SOX5: variants seen among roughly 807,000 people sequenced by gnomAD.
The protein encoded by SOX5 is SRY-box transcription factor 5, also known as transcription factor SOX-5.
A neutral mutation model predicts 92.0 loss-of-function variants in SOX5; 9 were observed. The observed-to-expected ratio is 0.10, with a 90% CI of 0.06 to 0.17. SOX5 has a LOEUF of 0.17. SOX5 is among the 10% of genes least tolerant of loss of function. SOX5 has a pLI of 1.00. For missense variants in SOX5, 642 were observed against 944.5 expected (o/e 0.68, Z 4.20); for synonymous variants, 344 against 336.3 (o/e 1.02, Z -0.25).
In SOX5 at chr12:23,546,406, T is replaced by C; in HGVS notation, c.1507A>G (p.Ser503Gly). The C allele has an allele frequency of 6.2e-7, 1 of 1,601,970 alleles. No homozygotes were observed. The highest frequency in any genetic ancestry group is 8.5e-7 in the Non-Finnish European group (1 of 1,170,178). ...TTAACTGCCAGTTGCTGAGTCAGAC[T>C]CTCCAGTGTTGTTTTTTCCTTTAAA... The part of the protein sequence containing the change: ...RTEKEKTTLE[S>G]LTQQLAVKQN... The change falls in exon 12 of 15, where the codon AGT becomes GGT. Residue 503 changes from serine to glycine, a missense_variant. By Grantham distance (56) the Ser-to-Gly change is moderately conservative (BLOSUM62 0). Around this residue, in one of 8 missense-constraint regions of SOX5, gnomAD observed 324 missense variants for 461.6 expected, o/e 0.70. Transcript: ENST00000451604.
chr12:24,060,109 T>C (rs1476346873), intron 4 of SOX5, among the ~76,000 whole-genome samples: 2 of 152,242 alleles, frequency 1.3e-5, no homozygotes, highest in East Asian at 3.9e-4. Context: ...ATTTGTATCA[T>C]ACTTTTATAG....
At chr12:24,108,041 G>A (rs1946885012) in intron 4 of SOX5, among the ~76,000 whole-genome samples, 1 of 152,164 alleles carries the variant, frequency 6.6e-6, no homozygotes, top group Non-Finnish European at 1.5e-5. Context: ...AAATATTAAA[G>A]AGAACTTGCT....
intron 3 of SOX5, among the ~76,000 whole-genome samples, chr12:24,258,210 T>C (rs536324031): frequency 4.9e-4 from 75 of 152,228 alleles, no homozygotes; most frequent in African/African-American, 1.7e-3. Context: ...TTCTGAGAAC[T>C]AAGCCATATT....
intron 4 of SOX5, among the ~76,000 whole-genome samples, chr12:24,165,903 G>T (rs760933916): frequency 6.6e-6 from 1 of 152,076 alleles, no homozygotes; most frequent in Admixed American, 6.6e-5. Context: ...ATGGAAAATA[G>T]ATATATATAT....
At chr12:23,924,651 C>G (rs1401052847) in intron 1 of SOX5, among the ~76,000 whole-genome samples, 1 of 151,924 alleles carries the variant, frequency 6.6e-6, no homozygotes, top group Non-Finnish European at 1.5e-5. Flanking sequence ...AGGATACTTA[C>G]TAAAATGTGA....
At chr12:24,233,157 A>T (rs559960746) in intron 3 of SOX5, among the ~76,000 whole-genome samples, 43 of 152,344 alleles carry the variant, frequency 2.8e-4, no homozygotes, top group African/African-American at 9.9e-4. Context: ...GAAAACCGAT[A>T]GAAAATACAA....
intron 1 of SOX5, among the ~76,000 whole-genome samples, chr12:23,934,354 T>C (rs1219572992): frequency 6.6e-6 from 1 of 150,784 alleles, no homozygotes; most frequent in Admixed American, 6.7e-5. Context: ...TACATACATA[T>C]AAAATATTCA....
intron 2 of SOX5, among the ~76,000 whole-genome samples, chr12:24,354,845 T>C (rs752294855): frequency 5.3e-5 from 8 of 152,128 alleles, no homozygotes; most frequent in Non-Finnish European, 8.8e-5. Context: ...AATGATTAAA[T>C]TTGTGCGACT....
intron 4 of SOX5, among the ~76,000 whole-genome samples, chr12:24,145,542 G>A (rs1342650835): frequency 6.6e-6 from 1 of 152,156 alleles, no homozygotes; most frequent in Non-Finnish European, 1.5e-5. Flanking sequence ...TATTGCCCGG[G>A]CTGAAGTGCA....
At chr12:24,308,027 A>G (rs1389980253) in intron 2 of SOX5, among the ~76,000 whole-genome samples, 1 of 151,498 alleles carries the variant, frequency 6.6e-6, no homozygotes, top group Non-Finnish European at 1.5e-5. Context: ...TCCCAGTAGA[A>G]AAAAAAAAAC....
intron 8 of SOX5, among the ~76,000 whole-genome samples, chr12:23,607,622 C>T (rs1323274557): frequency 6.6e-6 from 1 of 150,684 alleles, no homozygotes; most frequent in Non-Finnish European, 1.5e-5. Context: ...GTTCTTAAAG[C>T]AAAATCAAGC....
At chr12:23,779,419 A>G (rs2095209524) in intron 3 of SOX5, among the ~76,000 whole-genome samples, 1 of 150,336 alleles carries the variant, frequency 6.7e-6, no homozygotes, top group African/African-American at 2.5e-5. Flanking sequence ...GCACATCCAA[A>G]TGACAAAATA....
At chr12:24,192,747 G>A (rs769227543) in intron 4 of SOX5, among the ~76,000 whole-genome samples, 14 of 152,112 alleles carry the variant, frequency 9.2e-5, no homozygotes, top group Non-Finnish European at 1.0e-4. Context: ...CATTCTAAAT[G>A]AACTCACACT....
At chr12:24,300,587 A>T (rs1194601243) in intron 2 of SOX5, among the ~76,000 whole-genome samples, 1 of 152,228 alleles carries the variant, frequency 6.6e-6, no homozygotes, top group Non-Finnish European at 1.5e-5. Context: ...GTGAACCAAG[A>T]GACTTTTTAT....
chr12:24,483,269 A>C lies in SOX5; in HGVS notation c.-251+79060T>G, dbSNP rs185847521. Among the ~76,000 whole-genome samples the C allele has an allele frequency of 4.6e-5, 7 of 152,308 alleles. No individual in the cohort carries two copies. The East Asian group carries it at 1.3e-3, about 29-fold the overall frequency. ...CCAAAACAATACAAAAGAGAATAAT[A>C]ATATGTAGAATTTTTCTGGACAGTG... On this transcript the variant is annotated intron_variant, in intron 1 of 4. Transcript: ENST00000446891.
At chr12:24,132,057 T>C (rs1949697986) in intron 4 of SOX5, among the ~76,000 whole-genome samples, 1 of 152,200 alleles carries the variant, frequency 6.6e-6, no homozygotes. Flanking sequence ...TGTGTTACGT[T>C]CCCATTCCAG....
rs556257620 is a variant in SOX5, at chr12:24,356,453, CTCTT to C, written c.-174+12106_-174+12109del. Among the ~76,000 whole-genome samples, 407 of 152,144 alleles carry C rather than the reference CTCTT, an allele frequency of 2.7e-3. 2 individuals carry two copies. Among genetic ancestry groups the C allele is most frequent in the Non-Finnish European group, 2.0e-3 (135 of 67,942 alleles). ...TCTGTTCCTCCTCCTTCCTCTCTCT[CTCTT>C]TCTCTCTTGGTGGCCATTAACTACA... On this transcript the variant is annotated intron_variant, in intron 2 of 4. Coordinates refer to the SOX5 transcript ENST00000446891.
At chr12:24,036,429 G>A (rs1381343788) in intron 4 of SOX5, among the ~76,000 whole-genome samples, 12 of 152,112 alleles carry the variant, frequency 7.9e-5, no homozygotes, top group South Asian at 4.1e-4. Context: ...TAGATACTGC[G>A]AAGGTATACA....
intron 4 of SOX5, among the ~76,000 whole-genome samples, chr12:23,993,440 T>C (rs147499209): frequency 6.6e-6 from 1 of 152,296 alleles, no homozygotes; most frequent in Non-Finnish European, 1.5e-5. Context: ...TTATTTTTTC[T>C]GTTGGAGCAG....
Sources: gnomAD v4.1 joint callset for allele counts (sites outside exome capture counted in the v4.1 genomes callset) on GRCh38, gnomAD v4.1.1 for gene constraint, gnomAD v4.1.1 regional missense constraint, MANE v1.5 for transcripts, NCBI Gene and HGNC (gene_info 2026-07-23, HGNC 2026-07-21) for gene names.